SUGP2: variants seen among roughly 807,000 people sequenced by gnomAD.
SUGP2 encodes SURP and G-patch domain-containing protein 2.
SUGP2 carries 24 observed loss-of-function variants against 90.5 expected under a neutral mutation model. That is an observed-to-expected ratio of 0.27 (90% CI 0.19 to 0.37). SUGP2 has a LOEUF of 0.37. SUGP2 is among the 10% of genes least tolerant of loss of function. SUGP2 has a pLI of 1.00. For missense variants in SUGP2, 1,233 were observed against 1,363.3 expected (o/e 0.90, Z 1.51); for synonymous variants, 473 against 513.4 (o/e 0.92, Z 1.06).
At chr19:19,006,836 C>A (rs1330691928) in intron 6 of SUGP2, among the ~76,000 whole-genome samples, 2 of 152,222 alleles carry the variant, frequency 1.3e-5, no homozygotes, top group Non-Finnish European at 2.9e-5. Flanking sequence ...TACCTTAGTG[C>A]AGGACCCAGT....
chr19:19,015,596 C>T (rs942170161), intron 4 of SUGP2, among the ~76,000 whole-genome samples: 6 of 152,068 alleles, frequency 3.9e-5, no homozygotes, highest in Non-Finnish European at 5.9e-5. Context: ...CTCTGCCTCC[C>T]GGGTTCAAGT....
At chr19:19,013,414 GCTT>G (rs991615049) in intron 4 of SUGP2, among the ~76,000 whole-genome samples, 23 of 152,022 alleles carry the variant, frequency 1.5e-4, no homozygotes, top group African/African-American at 4.6e-4. Flanking sequence ...CTGTGTTTTT[GCTT>G]CTTTCTCTCT....
At chr19:19,008,249 A>C (rs1250510576) in intron 6 of SUGP2, 68 bp downstream of exon 6, 4 of 1,331,512 alleles carry the variant, frequency 3.0e-6, no homozygotes, top group Non-Finnish European at 4.3e-6. Flanking sequence ...ATCCAGCCTA[A>C]GCAACATCCT....
intron 10 of SUGP2, chr19:18,994,153 T>A: frequency 1.7e-6 from 1 of 602,140 alleles, no homozygotes; most frequent in East Asian, 3.3e-5. Flanking sequence ...CCTTGGCCAG[T>A]GTGAGGTTTG....
intron 7 of SUGP2, among the ~76,000 whole-genome samples, chr19:19,003,264 G>A (rs1023800670): frequency 6.6e-6 from 1 of 152,210 alleles, no homozygotes; most frequent in South Asian, 2.1e-4. Context: ...GAATGATGTA[G>A]AACACACAGG....
chr19:19,019,131 G>A lies in SUGP2; in HGVS notation c.1828C>T (p.Leu610Phe). The change falls in exon 4 of 11, where the codon CTC becomes TTC. Residue 610 changes from leucine (L) to phenylalanine (F), a missense_variant. Leu to Phe is a conservative substitution (Grantham distance 22). Around this residue, in one of 8 missense-constraint regions of SUGP2, gnomAD observed 540 missense variants for 542.6 expected, o/e 1.00. Transcript: ENST00000452918. ...TACCAGTAAGCAGGGTCCTCTTTGA[G>A]AAGAGTTCTCTCTTTGGGAGACAGG... ...GSLSPKERTL[L>F]KEDPAYWFLS... The A allele has an allele frequency of 1.9e-6, 3 of 1,614,062 alleles. No homozygotes were observed. Among genetic ancestry groups the A allele is most frequent in the South Asian group, 1.1e-5 (1 of 91,072 alleles).
chr19:18,991,680 G>C lies in SUGP2; in HGVS notation c.*2061C>G, dbSNP rs2057368641. On this transcript the variant is annotated 3_prime_UTR_variant, in exon 11 of 11. Coordinates refer to ENST00000452918, the MANE Select transcript of SUGP2 (RefSeq NM_001017392.5). ...CTGCAGGTGTGTGCGCCTCGCTCGG[G>C]TCAATGGGCTGAGCCCCGCTTGGAG... 6.6e-6 allele frequency: 1 copy of C among 152,310 alleles called. No homozygotes were observed. Among genetic ancestry groups the C allele is most frequent in the South Asian group, 2.1e-4 (1 of 4,840 alleles). The allele number at this position is 152,310 out of a possible 1,614,324, so 9.4% of individuals were successfully genotyped here.
At chr19:19,009,075 C>A (rs374478322) in intron 5 of SUGP2, among the ~76,000 whole-genome samples, 1 of 152,142 alleles carries the variant, frequency 6.6e-6, no homozygotes, top group East Asian at 1.9e-4. Flanking sequence ...CCACGCCCAG[C>A]TAATTTTTTG....
intron 2 of SUGP2, among the ~76,000 whole-genome samples, chr19:19,026,562 C>G (rs2058941346): frequency 6.6e-6 from 1 of 152,154 alleles, no homozygotes; most frequent in Non-Finnish European, 1.5e-5. Flanking sequence ...CATTCAGATC[C>G]CCCTACTCTC....
At chr19:19,012,062 G>A (rs1287713492) in intron 4 of SUGP2, among the ~76,000 whole-genome samples, 1 of 152,162 alleles carries the variant, frequency 6.6e-6, no homozygotes, top group Non-Finnish European at 1.5e-5. Context: ...CACAGCATTG[G>A]CAGCACTGTG....
At chr19:19,028,241 C>T (rs914670696) in intron 2 of SUGP2, among the ~76,000 whole-genome samples, 3 of 152,184 alleles carry the variant, frequency 2.0e-5, no homozygotes, top group Non-Finnish European at 4.4e-5. Flanking sequence ...TAACGTGCTA[C>T]AAAGTTAGGG....
rs2057449879 is a variant in SUGP2, at chr19:18,993,568, T to C, written c.*173A>G. 6.6e-6 allele frequency: 1 copy of C among 152,558 alleles called. No homozygotes were observed. Among genetic ancestry groups the C allele is most frequent in the South Asian group, 2.1e-4 (1 of 4,826 alleles). 9.5% of individuals were successfully genotyped at this position (152,558 alleles called of 1,614,324 possible). A position where few individuals can be genotyped will look rare whatever the true frequency, so the allele number is the denominator to read the frequency against. On this transcript the variant is annotated 3_prime_UTR_variant, in exon 11 of 11. Transcript: ENST00000452918. The stretch of plus-strand genomic sequence containing the variant: ...TTGAAAATGGTGCATGTTTTTTTCT[T>C]TGAGAGAAAGAAAAGCCAGCGAAAC...
At chr19:19,023,270 A>G (rs2145672666) in intron 3 of SUGP2, among the ~76,000 whole-genome samples, 1 of 152,256 alleles carries the variant, frequency 6.6e-6, no homozygotes, top group African/African-American at 2.4e-5. Flanking sequence ...TCCAGGCTAG[A>G]CTGGAGCCTC....
chr19:19,029,691 G>A (rs1489663305), intron 2 of SUGP2, among the ~76,000 whole-genome samples: 1 of 150,246 alleles, frequency 6.7e-6, no homozygotes, highest in African/African-American at 2.4e-5. Context: ...GATCCTCCCA[G>A]CACTCTGGGA....
intron 4 of SUGP2, 24 bp downstream of exon 4, chr19:19,019,085 C>T (rs760525229): frequency 2.6e-5 from 42 of 1,607,384 alleles, no homozygotes; most frequent in Non-Finnish European, 3.6e-5. Flanking sequence ...GAGGGATTCA[C>T]AGCGTGGACA....
At chr19:19,002,106 G>A (rs535941369) in intron 7 of SUGP2, among the ~76,000 whole-genome samples, 13 of 152,294 alleles carry the variant, frequency 8.5e-5, no homozygotes, top group Middle Eastern at 3.4e-3. Context: ...CTGGCCAGGC[G>A]CAGTGGCTCA....
chr19:19,013,665 T>C (rs1020923836), intron 4 of SUGP2, among the ~76,000 whole-genome samples: 2 of 152,212 alleles, frequency 1.3e-5, no homozygotes, highest in African/African-American at 4.8e-5. Flanking sequence ...TTAGATTTTA[T>C]GTTAACTTTG....
chr19:19,033,694 C>T (rs1357094081), upstream of SUGP2: 1 of 277,058 alleles, frequency 3.6e-6, no homozygotes. Flanking sequence ...GCGGCGACCA[C>T]CGTGAGCGTC....
At chr19:19,031,174 G>C in intron 1 of SUGP2, 92 bp from the exon 2 acceptor site, 2 of 1,349,920 alleles carry the variant, frequency 1.5e-6, no homozygotes, top group Non-Finnish European at 2.0e-6. Flanking sequence ...TTGGGAGGTC[G>C]AGGTGGGCGG....
Sources: gnomAD v4.1 joint callset for allele counts (sites outside exome capture counted in the v4.1 genomes callset) on GRCh38, gnomAD v4.1.1 for gene constraint, gnomAD v4.1.1 regional missense constraint, MANE v1.5 for transcripts, NCBI Gene and HGNC (gene_info 2026-07-23, HGNC 2026-07-21) for gene names.